The following GALNT13 variants were observed in gnomAD, a reference collection of about 807,000 sequenced individuals.
The protein encoded by GALNT13 is polypeptide N-acetylgalactosaminyltransferase 13.
Under a neutral mutation model 64.2 loss-of-function variants are expected in GALNT13, and 28 were observed. The ratio of observed to expected loss-of-function variants is 0.44; its 90% CI spans 0.32 to 0.60. The LOEUF is 0.60. Ranked by LOEUF, GALNT13 falls within the 20% of genes least tolerant of loss-of-function variation. The probability of loss-of-function intolerance (pLI) is 0.05; values close to 1 mark genes in which losing one functional copy is unlikely to be tolerated. For missense variants in GALNT13, 577 were observed against 669.8 expected (o/e 0.86, Z 1.53); for synonymous variants, 214 against 224.6 (o/e 0.95, Z 0.42).
chr2:153,383,577 A>C, the GALNT13 span, among the ~76,000 whole-genome samples: 1 of 152,018 alleles, frequency 6.6e-6, no homozygotes, highest in Non-Finnish European at 1.5e-5. Flanking sequence ...AGAAAGAAAA[A>C]TAGGGTATAT....
At chr2:154,139,144 C>G (rs1276999844) in intron 3 of GALNT13, among the ~76,000 whole-genome samples, 2 of 151,980 alleles carry the variant, frequency 1.3e-5, no homozygotes, top group Non-Finnish European at 2.9e-5. Context: ...CATGCCATTA[C>G]AAAGTCATCA....
chr2:153,317,322 C>T, the GALNT13 span, among the ~76,000 whole-genome samples: 1 of 151,938 alleles, frequency 6.6e-6, no homozygotes, highest in Non-Finnish European at 1.5e-5. Context: ...GTTCATAACC[C>T]ACTCCATTTG....
At chr2:153,614,959 T>C in the GALNT13 span, among the ~76,000 whole-genome samples, 3 of 152,090 alleles carry the variant, frequency 2.0e-5, no homozygotes, top group African/African-American at 7.2e-5. Context: ...TGTTATCAAA[T>C]AGTAGGTCTT....
Position 154,110,813 on chromosome 2 carries a change from C to T in GALNT13, c.143-29524C>T, listed in dbSNP as rs762804961. ...CCATCACAAGTCCACGCCTTCTCAA[C>T]GTGAACTCATACACATCTCCTGAGG... On this transcript the variant is annotated intron_variant, in intron 3 of 12. Transcript: ENST00000392825. 1.6e-4 allele frequency among the ~76,000 whole-genome samples: 25 copies of T among 152,036 alleles called. No homozygotes were observed. In the South Asian group the frequency reaches 2.5e-3, roughly 15 times the overall value.
chr2:154,303,106 C>T (rs1322994056), intron 9 of GALNT13, among the ~76,000 whole-genome samples: 2 of 151,956 alleles, frequency 1.3e-5, no homozygotes, highest in African/African-American at 4.8e-5. Flanking sequence ...AGGGGTTTGT[C>T]CTCTCATGCC....
At chr2:153,981,460 T>A (rs1694456989) in intron 3 of GALNT13, among the ~76,000 whole-genome samples, 1 of 152,074 alleles carries the variant, frequency 6.6e-6, no homozygotes, top group African/African-American at 2.4e-5. Context: ...AGTGAGAACA[T>A]GCGGTGTTTG....
chr2:153,446,085 A>C, the GALNT13 span, among the ~76,000 whole-genome samples: 2 of 152,238 alleles, frequency 1.3e-5, no homozygotes, highest in Non-Finnish European at 2.9e-5. Flanking sequence ...TATATTAAAA[A>C]AGAATTAGAG....
chr2:153,255,007 C>A, the GALNT13 span, among the ~76,000 whole-genome samples: 1 of 152,020 alleles, frequency 6.6e-6, no homozygotes, highest in African/African-American at 2.4e-5. Context: ...GAGCTGAGTT[C>A]AATTCCTGGG....
At chr2:153,457,386 T>C in the GALNT13 span, among the ~76,000 whole-genome samples, 1 of 152,216 alleles carries the variant, frequency 6.6e-6, no homozygotes, top group Admixed American at 6.5e-5. Flanking sequence ...ACTAGAGATA[T>C]ATCATCCGTT....
the GALNT13 span, among the ~76,000 whole-genome samples, chr2:153,141,010 T>G: frequency 6.6e-6 from 1 of 150,850 alleles, no homozygotes; most frequent in African/African-American, 2.4e-5. Context: ...CATAAGCAGT[T>G]GCTGTCCATT....
intron 11 of GALNT13, among the ~76,000 whole-genome samples, chr2:154,430,263 G>A (rs566675711): frequency 7.2e-5 from 11 of 152,212 alleles, no homozygotes; most frequent in South Asian, 4.1e-4. Flanking sequence ...TCTAGATACC[G>A]TAAATAACAT....
chr2:153,604,884 A>G, the GALNT13 span, among the ~76,000 whole-genome samples: 2 of 152,050 alleles, frequency 1.3e-5, no homozygotes, highest in East Asian at 1.9e-4. Context: ...CATAATTCTC[A>G]TTTTCCTGAA....
the GALNT13 span, among the ~76,000 whole-genome samples, chr2:153,124,545 C>T: frequency 1.3e-5 from 2 of 152,120 alleles, no homozygotes; most frequent in Admixed American, 6.5e-5. Context: ...CTTGCTCTGT[C>T]ACCAGGCTGG....
At chr2:154,045,926 G>A (rs1302920915) in intron 3 of GALNT13, among the ~76,000 whole-genome samples, 3 of 151,828 alleles carry the variant, frequency 2.0e-5, no homozygotes, top group African/African-American at 7.3e-5. Flanking sequence ...TCTCTGTCTA[G>A]TAAGTCTTTT....
chr2:154,450,671 C>A lies in GALNT13; in HGVS notation c.*120C>A. The A allele has an allele frequency of 1.1e-6, 1 of 903,616 alleles. No individual in the cohort carries two copies. The highest frequency in any genetic ancestry group is 1.6e-6 in the Non-Finnish European group (1 of 627,516). 56.0% of individuals were successfully genotyped at this position (903,616 alleles called of 1,614,324 possible). A position where few individuals can be genotyped will look rare whatever the true frequency, so the allele number is the denominator to read the frequency against. On this transcript the variant is annotated 3_prime_UTR_variant, in exon 13 of 13. Coordinates refer to ENST00000392825, the MANE Select transcript of GALNT13 (RefSeq NM_052917.4). Reference sequence around the variant, plus strand: ...TAAAAATCCTTTTAGTATTCTAAAACACAATTGTTTCTAATTCGTTTCTAG... The same window carrying A: ...TAAAAATCCTTTTAGTATTCTAAAAAACAATTGTTTCTAATTCGTTTCTAG...
At chr2:153,383,771 G>A in the GALNT13 span, among the ~76,000 whole-genome samples, 26 of 152,078 alleles carry the variant, frequency 1.7e-4, no homozygotes, top group African/African-American at 6.3e-4. Context: ...TGGGAAATGG[G>A]CATTATCAAG....
the GALNT13 span, among the ~76,000 whole-genome samples, chr2:153,086,650 A>G: frequency 2.0e-5 from 3 of 152,128 alleles, no homozygotes; most frequent in African/African-American, 7.2e-5. Flanking sequence ...CCAGTCTTGT[A>G]TATGTCTTTA....
At chr2:153,690,524 G>A in the GALNT13 span, among the ~76,000 whole-genome samples, 2 of 152,060 alleles carry the variant, frequency 1.3e-5, no homozygotes, top group African/African-American at 4.8e-5. Flanking sequence ...TGACCAGGAG[G>A]TACCCCAAAT....
the GALNT13 span, among the ~76,000 whole-genome samples, chr2:153,441,449 A>T: frequency 5.3e-5 from 8 of 152,332 alleles, no homozygotes; most frequent in South Asian, 1.7e-3. Context: ...TTGGCTCCAT[A>T]TGAAATTTAA....
Sources: gnomAD v4.1 joint callset for allele counts (sites outside exome capture counted in the v4.1 genomes callset) on GRCh38, gnomAD v4.1.1 for gene constraint, MANE v1.5 for transcripts, NCBI Gene and HGNC (gene_info 2026-07-23, HGNC 2026-07-21) for gene names.